Variants in OPRM1 observed in about 807,000 individuals in gnomAD.
OPRM1 encodes opioid receptor mu 1, also known as mu-type opioid receptor.
Under a neutral mutation model 31.8 loss-of-function variants are expected in OPRM1, and 27 were observed. The ratio of observed to expected loss-of-function variants is 0.85; its 90% CI spans 0.63 to 1.17. The LOEUF (loss-of-function observed/expected upper bound fraction) is 1.17, where lower values mean the gene tolerates loss of function less well. Ranked by LOEUF, OPRM1 falls within the 50% of genes most tolerant of loss-of-function variation. OPRM1 has a pLI of 0.00. For synonymous variants in OPRM1, 196 were observed against 189.9 expected (o/e 1.03, Z -0.26); for missense variants, 536 against 511.1 (o/e 1.05, Z -0.47).
chr6:154,019,934 A>G (rs1243988440), intron 1 of OPRM1, among the ~76,000 whole-genome samples: 10 of 151,460 alleles, frequency 6.6e-5, no homozygotes, highest in African/African-American at 1.7e-4. Flanking sequence ...GGTTTTCACC[A>G]TGTTGGCCAG....
chr6:154,150,198 T>C (rs1484120279), intron 3 of OPRM1, among the ~76,000 whole-genome samples: 2 of 152,234 alleles, frequency 1.3e-5, no homozygotes, highest in African/African-American at 2.4e-5. Context: ...TTCAGCAGCA[T>C]ATTAGTCTCC....
intron 3 of OPRM1, among the ~76,000 whole-genome samples, chr6:154,210,201 A>T (rs568125313): frequency 6.6e-6 from 1 of 152,328 alleles, no homozygotes; most frequent in East Asian, 1.9e-4. Flanking sequence ...TTATTTCACC[A>T]GTGTGTTCTA....
chr6:154,245,319 G>A (rs1156793397), intron 3 of OPRM1, among the ~76,000 whole-genome samples: 2 of 151,884 alleles, frequency 1.3e-5, no homozygotes, highest in Admixed American at 6.6e-5. Flanking sequence ...GGAACCCAAA[G>A]AGGAGCTTTG....
At chr6:154,238,255 A>G (rs899826352) in intron 3 of OPRM1, among the ~76,000 whole-genome samples, 8 of 151,910 alleles carry the variant, frequency 5.3e-5, no homozygotes, top group Admixed American at 5.2e-4. Flanking sequence ...AGGAACCTTT[A>G]TTTATTTATT....
At chr6:154,218,372 G>A (rs1355582801) in intron 3 of OPRM1, among the ~76,000 whole-genome samples, 3 of 152,172 alleles carry the variant, frequency 2.0e-5, no homozygotes, top group Non-Finnish European at 2.9e-5. Flanking sequence ...CTTTTAAATT[G>A]AGACTCACTA....
chr6:154,076,232 C>A (rs77022585), intron 1 of OPRM1, among the ~76,000 whole-genome samples: 5 of 152,114 alleles, frequency 3.3e-5, no homozygotes, highest in African/African-American at 7.2e-5. Context: ...AAGACCTTTA[C>A]GAAAAACATG....
rs1188211113 is a variant in OPRM1 at position 154,127,676 on chromosome 6, G to A, written c.*8955G>A. On this transcript the variant is annotated 3_prime_UTR_variant, in exon 4 of 4. Coordinates refer to ENST00000330432, the MANE Select transcript of OPRM1 (RefSeq NM_000914.5). ...CTTCTCTCCATCATTTTGACTTAGAGCCAGTCAGAATTCAATCTCCAATAT... is the reference window on the plus strand; with the variant it reads ...CTTCTCTCCATCATTTTGACTTAGAACCAGTCAGAATTCAATCTCCAATAT... Among the ~76,000 whole-genome samples the A allele has an allele frequency of 1.3e-5, 2 of 152,072 alleles. No individual in the cohort carries two copies. Among genetic ancestry groups the A allele is most frequent in the African/African-American group, 4.8e-5 (2 of 41,394 alleles).
intron 3 of OPRM1, chr6:154,218,949 C>A (rs1471185843): frequency 6.6e-6 from 1 of 152,094 alleles, no homozygotes; most frequent in Non-Finnish European, 1.5e-5. Flanking sequence ...CATAGATAGG[C>A]GGTAAGATCT....
chr6:154,152,331 GAAA>G (rs764763456), intron 3 of OPRM1, among the ~76,000 whole-genome samples: 2,450 of 49,680 alleles, frequency 0.049, 27 homozygotes, highest in Middle Eastern at 0.089. Flanking sequence ...AAGAAAGAAA[GAAA>G]GAAAGAAAGA....
intron 1 of OPRM1, 139 bp from the exon 2 acceptor site, chr6:154,089,687 A>G: frequency 3.2e-6 from 2 of 623,238 alleles, no homozygotes; most frequent in South Asian, 4.0e-5. Flanking sequence ...TAAATAGCCA[A>G]GCTGATACTG....
At chr6:154,038,890 C>G (rs1779487839), upstream of OPRM1, among the ~76,000 whole-genome samples, 1 of 152,152 alleles carries the variant, frequency 6.6e-6, no homozygotes, top group Non-Finnish European at 1.5e-5. Context: ...ATTACCTTTT[C>G]TTAGATGTTG....
Position 154,119,361 on chromosome 6 carries a change from G to C in OPRM1, c.*640G>C. On this transcript the variant is annotated 3_prime_UTR_variant, in exon 4 of 4. Transcript: ENST00000330432. The stretch of plus-strand genomic sequence containing the variant: ...GAAAGGTAATCTGAAACACAGTCAT[G>C]TGTCAGCTGTAGAAAGGTTGATTCT... The C allele has an allele frequency of 3.0e-6, 3 of 985,212 alleles. No homozygotes were observed. Among genetic ancestry groups the C allele is most frequent in the Non-Finnish European group, 3.6e-6 (3 of 829,724 alleles). 61.0% of individuals were successfully genotyped at this position (985,212 alleles called of 1,614,324 possible). A position where few individuals can be genotyped will look rare whatever the true frequency, so the allele number is the denominator to read the frequency against.
At chr6:154,235,503 C>A (rs1780047423) in intron 3 of OPRM1, among the ~76,000 whole-genome samples, 1 of 146,186 alleles carries the variant, frequency 6.8e-6, no homozygotes, top group African/African-American at 2.6e-5. Flanking sequence ...TGCACTCCAG[C>A]CTGGGCGACA....
chr6:154,192,880 G>C (rs1299931538), intron 3 of OPRM1, among the ~76,000 whole-genome samples: 1 of 152,146 alleles, frequency 6.6e-6, no homozygotes, highest in Non-Finnish European at 1.5e-5. Context: ...ATGTTGGTGT[G>C]GAGGTGGTGA....
At position 154,079,222 on chromosome 6, in the gene OPRM1, C is replaced by T. The variant is rs1788560398; in HGVS notation, c.291-10604C>T. Among the ~76,000 whole-genome samples, 3 of 152,186 alleles carry T rather than the reference C, an allele frequency of 2.0e-5. No homozygotes were observed. The South Asian group carries it at 6.2e-4, about 32-fold the overall frequency. ...TTCTGGAGACATTTCACAGGGTGCC[C>T]CAGGGTCCCCTGGAGTAGCTAGAGG... On this transcript the variant is annotated intron_variant, in intron 1 of 3. Coordinates refer to ENST00000330432, the MANE Select transcript of OPRM1 (RefSeq NM_000914.5).
At chr6:154,048,746 C>T (rs1781639980) in intron 1 of OPRM1, among the ~76,000 whole-genome samples, 1 of 152,156 alleles carries the variant, frequency 6.6e-6, no homozygotes, top group Non-Finnish European at 1.5e-5. Flanking sequence ...ACCATAGATA[C>T]ATATTAGCAA....
At chr6:154,172,547 A>T (rs1799960001) in intron 3 of OPRM1, among the ~76,000 whole-genome samples, 1 of 152,234 alleles carries the variant, frequency 6.6e-6, no homozygotes, top group Non-Finnish European at 1.5e-5. Context: ...CTAGCACAGC[A>T]GTCTGAGATT....
intron 3 of OPRM1, among the ~76,000 whole-genome samples, chr6:154,096,925 CT>C (rs1562467116): frequency 6.6e-6 from 1 of 152,168 alleles, no homozygotes; most frequent in Non-Finnish European, 1.5e-5. Context: ...AAGAATCTGC[CT>C]TTTAAATAAA....
chr6:154,057,022 A>G (rs1783443313), intron 1 of OPRM1, among the ~76,000 whole-genome samples: 1 of 152,202 alleles, frequency 6.6e-6, no homozygotes, highest in Non-Finnish European at 1.5e-5. Context: ...TTCTGATGAC[A>G]AAAGGAAGCC....
Sources: allele counts gnomAD v4.1 joint callset (sites outside exome capture counted in the v4.1 genomes callset), GRCh38; gene constraint gnomAD v4.1.1; transcripts MANE v1.5; gene names NCBI Gene and HGNC (gene_info 2026-07-23, HGNC 2026-07-21).